FOXN3: variants seen among roughly 807,000 people sequenced by gnomAD.
FOXN3 encodes forkhead box protein N3.
FOXN3 carries 7 observed loss-of-function variants against 38.4 expected under a neutral mutation model. That is an observed-to-expected ratio of 0.18 (90% CI 0.10 to 0.34). The LOEUF (loss-of-function observed/expected upper bound fraction) is 0.34, where lower values mean the gene tolerates loss of function less well. Among genes scored for constraint, FOXN3 ranks in the 10% least tolerant of loss-of-function variants. The pLI is 1.00. For synonymous variants in FOXN3, 230 were observed against 242.2 expected, an observed-to-expected ratio of 0.95 and a Z score of 0.47; for missense variants, 456 against 613.4, an observed-to-expected ratio of 0.74 and a Z score of 2.71.
intron 3 of FOXN3, among the ~76,000 whole-genome samples, chr14:89,343,496 A>AC (rs1721340935): frequency 6.6e-6 from 1 of 151,476 alleles, no homozygotes; most frequent in Non-Finnish European, 1.5e-5. Context: ...AATTAAAAAA[A>AC]AAAAAGGACA....
chr14:89,554,903 T>G (rs1895083749), intron 1 of FOXN3, among the ~76,000 whole-genome samples: 1 of 151,018 alleles, frequency 6.6e-6, no homozygotes, highest in African/African-American at 2.4e-5. Context: ...ATTCTCCTGC[T>G]TCAGCCTCCC....
rs181648793 is a variant in FOXN3, at chr14:89,184,600, G to A, written c.746-3794C>T. ...TGCAGTGGTTAAGAGTGTGAGCTCT[G>A]AGCCACACAGCCTCAGTTTGGCCTT... On this transcript the variant is annotated intron_variant, in intron 4 of 5. Coordinates refer to ENST00000557258, the MANE Select transcript of FOXN3 (RefSeq NM_005197.4). Among the ~76,000 whole-genome samples the A allele has an allele frequency of 9.8e-5, 15 of 152,330 alleles. No homozygotes were observed. In the East Asian group the frequency reaches 2.7e-3, roughly 27 times the overall value.
intron 4 of FOXN3, among the ~76,000 whole-genome samples, chr14:89,199,345 A>G (rs7150302): frequency 0.19 from 28,571 of 152,126 alleles, 2,746 homozygotes; most frequent in Middle Eastern, 0.22. Context: ...AAAATCTCCC[A>G]CTAAGTTGGA....
In FOXN3 at chr14:89,362,252, G is replaced by C. The variant is rs1177105283; in HGVS notation, c.544-11444C>G. ...ACCACCTCCACCACCACCACCTCCA[G>C]CACCACCACCACCTCCTCCTCCTCC... On this transcript the variant is annotated intron_variant, in intron 2 of 5. Transcript: ENST00000557258. Among the ~76,000 whole-genome samples the C allele has an allele frequency of 1.8e-3, 12 of 6,852 alleles. 1 individual carries two copies. The highest frequency in any genetic ancestry group is 0.013 in the African/African-American group (12 of 894). The allele number at this position is 6,852 out of a possible 152,430, so 4.5% of individuals were successfully genotyped here.
intron 1 of FOXN3, among the ~76,000 whole-genome samples, chr14:89,429,739 G>C (rs1479011131): frequency 6.6e-6 from 1 of 152,152 alleles, no homozygotes; most frequent in Non-Finnish European, 1.5e-5. Context: ...TGAACAGAAG[G>C]CTCGAGTAAT....
At chr14:89,421,128 C>G (rs1891893238), upstream of FOXN3, among the ~76,000 whole-genome samples, 1 of 146,738 alleles carries the variant, frequency 6.8e-6, no homozygotes. Flanking sequence ...TCATACTTGT[C>G]CATATTTTCT....
At chr14:89,425,405 T>C (rs1451180982) in intron 1 of FOXN3, among the ~76,000 whole-genome samples, 2 of 150,088 alleles carry the variant, frequency 1.3e-5, no homozygotes, top group African/African-American at 4.9e-5. Flanking sequence ...TCCTGCTCTG[T>C]TGCCCAGGCT....
At chr14:89,388,070 G>C (rs144878056) in intron 2 of FOXN3, among the ~76,000 whole-genome samples, 3,462 of 152,292 alleles carry the variant, frequency 0.023, 123 homozygotes, top group African/African-American at 0.077. Context: ...TGTAGTCCCA[G>C]CTCCTTGGGA....
Position 89,162,627 on chromosome 14 carries a change from C to T in FOXN3, c.1194G>A (p.Lys398=), listed in dbSNP as rs200521383. 1.6e-3 allele frequency: 2,580 copies of T among 1,613,948 alleles called. 43 individuals are homozygous for T. The South Asian group carries it at 0.021, about 13-fold the overall frequency. The change falls in exon 6 of 6, where the codon AAG becomes AAA. Residue 398 remains lysine, a synonymous_variant. Coordinates refer to ENST00000557258, the MANE Select transcript of FOXN3 (RefSeq NM_005197.4). The surrounding 1 kb of genome is among the most constrained non-coding windows in gnomAD (Gnocchi z 7.2). ...TCCTGGCCTTGGCGAAGTGCTGGCG[C>T]TTCTTGTGCTGGGATGCGTACCCGC... The part of the protein sequence containing the change: ...GDSGYASQHK[K]RQHFAKARKV...
At chr14:89,586,685 T>C (rs563899671) in intron 1 of FOXN3, among the ~76,000 whole-genome samples, 50 of 152,306 alleles carry the variant, frequency 3.3e-4, no homozygotes, top group African/African-American at 1.2e-3. Context: ...GGCAGGTAGA[T>C]TTAAACTAAA....
chr14:89,201,563 G>A (rs904870512), intron 4 of FOXN3, among the ~76,000 whole-genome samples: 1 of 152,198 alleles, frequency 6.6e-6, no homozygotes, highest in African/African-American at 2.4e-5. Flanking sequence ...CCAAGAGAAA[G>A]GATGTGCCAC....
intron 1 of FOXN3, among the ~76,000 whole-genome samples, chr14:89,554,510 G>A (rs1462436194): frequency 2.0e-5 from 3 of 152,002 alleles, no homozygotes; most frequent in Admixed American, 2.0e-4. Context: ...TTCACTTTTG[G>A]TTTTCCATTT....
chr14:89,193,620 T>C (rs1452167189), intron 4 of FOXN3, among the ~76,000 whole-genome samples: 2 of 152,110 alleles, frequency 1.3e-5, no homozygotes, highest in African/African-American at 4.8e-5. Flanking sequence ...TGAACGGAAA[T>C]ACCGCAATCC....
intron 2 of FOXN3, among the ~76,000 whole-genome samples, chr14:89,403,119 T>C (rs1365555470): frequency 6.6e-6 from 1 of 152,228 alleles, no homozygotes; most frequent in Non-Finnish European, 1.5e-5. Context: ...TTCTTTTTTA[T>C]TTTGCATTAT....
rs536835150 is a variant in FOXN3 at position 89,484,196 on chromosome 14, T to C, written c.-14-71706A>G. ...CTTCTGCTCCTTCCTATTCTAATCC[T>C]ACTCATCCTTTCAACCTATTTTCTT... On this transcript the variant is annotated intron_variant, in intron 1 of 6. Transcript: ENST00000345097. This position sits in a 1 kb window ranked among gnomAD's most constrained non-coding sequence, Gnocchi z 4.0. 1.3e-5 allele frequency among the ~76,000 whole-genome samples: 2 copies of C among 152,324 alleles called. No homozygotes were observed. Among genetic ancestry groups the C allele is most frequent in the Non-Finnish European group, 2.9e-5 (2 of 68,026 alleles).
intron 3 of FOXN3, among the ~76,000 whole-genome samples, chr14:89,320,314 A>G (rs1356061538): frequency 6.6e-6 from 1 of 152,260 alleles, no homozygotes; most frequent in African/African-American, 2.4e-5. Context: ...ATCTATTGGC[A>G]GAAAACAGAC....
intron 1 of FOXN3, among the ~76,000 whole-genome samples, chr14:89,610,868 GA>G (rs1896375044): frequency 6.6e-6 from 1 of 152,164 alleles, no homozygotes; most frequent in Non-Finnish European, 1.5e-5. Context: ...CATTTCCCTT[GA>G]TTGATCTTTT....
chr14:89,321,518 A>T (rs1413823479), intron 3 of FOXN3, among the ~76,000 whole-genome samples: 1 of 152,174 alleles, frequency 6.6e-6, no homozygotes, highest in Non-Finnish European at 1.5e-5. Context: ...CAGAGTTTGC[A>T]GTGAGCCGAG....
chr14:89,513,064 C>T (rs1385542303), intron 1 of FOXN3, among the ~76,000 whole-genome samples: 2 of 140,360 alleles, frequency 1.4e-5, no homozygotes, highest in African/African-American at 5.2e-5. Flanking sequence ...TGCTTGAACT[C>T]GGGGGTCAGA....
Sources: gnomAD v4.1 joint callset for allele counts (sites outside exome capture counted in the v4.1 genomes callset) on GRCh38, gnomAD v4.1.1 for gene constraint, Gnocchi (gnomAD v3.1) non-coding constraint, MANE v1.5 for transcripts, NCBI Gene and HGNC (gene_info 2026-07-23, HGNC 2026-07-21) for gene names.